Variants in TUSC3 observed in about 807,000 individuals in gnomAD.
TUSC3 encodes the protein dolichyl-diphosphooligosaccharide--protein glycosyltransferase subunit TUSC3.
TUSC3 carries 45 observed loss-of-function variants against 44.8 expected under a neutral mutation model. The ratio of observed to expected loss-of-function variants is 1.00; its 90% CI spans 0.79 to 1.29. The LOEUF (loss-of-function observed/expected upper bound fraction) is 1.29, where lower values mean the gene tolerates loss of function less well. TUSC3 is among the 50% of genes most tolerant of loss of function. The probability of loss-of-function intolerance (pLI) is 0.00; values close to 1 mark genes in which losing one functional copy is unlikely to be tolerated. For synonymous variants in TUSC3, 212 were observed against 152.9 expected, an observed-to-expected ratio of 1.39 and a Z score of -2.85; for missense variants, 519 against 437.9, an observed-to-expected ratio of 1.19 and a Z score of -1.65.
chr8:15,473,241 A>T (rs1800520291), intron 1 of TUSC3, among the ~76,000 whole-genome samples: 1 of 152,230 alleles, frequency 6.6e-6, no homozygotes, highest in African/African-American at 2.4e-5. Context: ...GCTTTCTAGC[A>T]TAACTGGTAA....
chr8:15,747,593 T>C (rs189959830), intron 8 of TUSC3, among the ~76,000 whole-genome samples: 125 of 152,216 alleles, frequency 8.2e-4, no homozygotes, highest in African/African-American at 2.8e-3. Context: ...AAGAAACATA[T>C]TTTATTATGC....
the TUSC3 span, among the ~76,000 whole-genome samples, chr8:15,842,956 G>C: frequency 2.6e-5 from 4 of 152,180 alleles, no homozygotes; most frequent in African/African-American, 4.8e-5. Context: ...TTTTTTGACA[G>C]TGCTCAATAA....
At chr8:15,827,634 T>C in the TUSC3 span, among the ~76,000 whole-genome samples, 26,188 of 152,146 alleles carry the variant, frequency 0.17, 2,408 homozygotes, top group Admixed American at 0.28. Flanking sequence ...ATTTTTACCC[T>C]CAGATTTTGC....
intron 1 of TUSC3, among the ~76,000 whole-genome samples, chr8:15,552,357 T>A (rs1402601340): frequency 6.6e-6 from 1 of 151,568 alleles, no homozygotes; most frequent in African/African-American, 2.4e-5. Context: ...GAAGGTAGAG[T>A]GATGAATAAG....
intron 3 of TUSC3, among the ~76,000 whole-genome samples, chr8:15,651,786 A>G (rs1806917287): frequency 6.6e-6 from 1 of 152,200 alleles, no homozygotes; most frequent in South Asian, 2.1e-4. Flanking sequence ...TTATTTACCC[A>G]GTATTCTCTA....
chr8:15,508,214 T>C (rs112022572), intron 2 of TUSC3, among the ~76,000 whole-genome samples: 2 of 152,088 alleles, frequency 1.3e-5, no homozygotes, highest in African/African-American at 4.8e-5. Flanking sequence ...CATTCTGGCC[T>C]GGGTGATAGG....
chr8:15,448,531 A>G (rs1800142727), intron 1 of TUSC3, among the ~76,000 whole-genome samples: 1 of 152,104 alleles, frequency 6.6e-6, no homozygotes, highest in Admixed American at 6.6e-5. Flanking sequence ...CAAATGTTCT[A>G]CTCTTAAGAA....
At chr8:15,445,900 C>T (rs1228704034) in intron 1 of TUSC3, among the ~76,000 whole-genome samples, 8 of 131,156 alleles carry the variant, frequency 6.1e-5, no homozygotes, top group South Asian at 2.5e-4. Flanking sequence ...ACGGGGCGGC[C>T]GGGCGGAGGC....
intron 6 of TUSC3, among the ~76,000 whole-genome samples, chr8:15,684,070 T>C (rs1278554057): frequency 6.6e-6 from 1 of 151,542 alleles, no homozygotes. Flanking sequence ...CTCTCCACTT[T>C]AGTATTTCAC....
At chr8:15,516,150 A>T (rs1170236601) in intron 2 of TUSC3, among the ~76,000 whole-genome samples, 1 of 152,178 alleles carries the variant, frequency 6.6e-6, no homozygotes, top group African/African-American at 2.4e-5. Flanking sequence ...AGTCAACTGA[A>T]TTTGACTCAC....
chr8:15,715,918 T>A (rs1042991231), intron 6 of TUSC3, among the ~76,000 whole-genome samples: 4 of 152,116 alleles, frequency 2.6e-5, no homozygotes, highest in African/African-American at 9.7e-5. Flanking sequence ...AATGCAAAGA[T>A]CTTAAATATG....
the TUSC3 span, among the ~76,000 whole-genome samples, chr8:15,826,368 C>T: frequency 2.0e-5 from 3 of 152,184 alleles, no homozygotes; most frequent in East Asian, 1.9e-4. Flanking sequence ...TAATTAGCAC[C>T]CTCTATGCTT....
At chr8:15,803,774 CTGCT>C in the TUSC3 span, among the ~76,000 whole-genome samples, 1 of 152,066 alleles carries the variant, frequency 6.6e-6, no homozygotes, top group Admixed American at 6.6e-5. Flanking sequence ...TGTTCAACTC[CTGCT>C]TATGAGTGAG....
intron 6 of TUSC3, among the ~76,000 whole-genome samples, chr8:15,711,448 A>T (rs949148310): frequency 7.0e-6 from 1 of 142,460 alleles, no homozygotes; most frequent in East Asian, 2.1e-4. Context: ...CAGGTTTTAG[A>T]AAAACAAAAA....
intron 7 of TUSC3, among the ~76,000 whole-genome samples, chr8:15,732,758 A>G (rs986399177): frequency 2.0e-5 from 3 of 152,178 alleles, no homozygotes; most frequent in African/African-American, 7.2e-5. Context: ...ACAAGATTAC[A>G]AATCGCGTTT....
At chr8:15,794,689 G>A in the TUSC3 span, among the ~76,000 whole-genome samples, 20 of 138,752 alleles carry the variant, frequency 1.4e-4, no homozygotes, top group African/African-American at 5.4e-4. Flanking sequence ...GCATGTGAGT[G>A]TGCTGCATTA....
intron 6 of TUSC3, among the ~76,000 whole-genome samples, chr8:15,680,752 G>A (rs1438516540): frequency 1.3e-5 from 2 of 151,974 alleles, no homozygotes; most frequent in East Asian, 3.9e-4. Context: ...TTACTATTTT[G>A]AAGTATATTC....
At chr8:15,756,712 A>ATT (rs1362476025) in intron 9 of TUSC3, among the ~76,000 whole-genome samples, 1 of 152,210 alleles carries the variant, frequency 6.6e-6, no homozygotes, top group Non-Finnish European at 1.5e-5. Flanking sequence ...ATACAAATAC[A>ATT]GTGAGGCTTA....
At chr8:15,652,077 T>C (rs1465654757) in intron 3 of TUSC3, among the ~76,000 whole-genome samples, 1 of 152,204 alleles carries the variant, frequency 6.6e-6, no homozygotes, top group Non-Finnish European at 1.5e-5. Context: ...GCCCTAGCCT[T>C]AATCATGCTG....
Sources: gnomAD v4.1 joint callset for allele counts (sites outside exome capture counted in the v4.1 genomes callset) on GRCh38, gnomAD v4.1.1 for gene constraint, MANE v1.5 for transcripts, NCBI Gene and HGNC (gene_info 2026-07-23, HGNC 2026-07-21) for gene names.